The following UBE2L6 variants were observed in gnomAD, a reference collection of about 807,000 sequenced individuals.
The protein encoded by UBE2L6 is ubiquitin/ISG15-conjugating enzyme E2 L6.
A neutral mutation model predicts 13.6 loss-of-function variants in UBE2L6; 11 were observed. The observed-to-expected ratio is 0.81, with a 90% confidence interval of 0.51 to 1.34. The LOEUF (loss-of-function observed/expected upper bound fraction) is 1.34, where lower values mean the gene tolerates loss of function less well. UBE2L6 is among the 40% of genes most tolerant of loss of function. The pLI is 0.00. For missense variants in UBE2L6, 197 were observed against 199.5 expected (o/e 0.99, Z 0.07); for synonymous variants, 74 against 83.2 (o/e 0.89, Z 0.60).
At chr11:57,557,800 CA>C (rs1409302014) in intron 2 of UBE2L6, among the ~76,000 whole-genome samples, 1 of 152,166 alleles carries the variant, frequency 6.6e-6, no homozygotes, top group African/African-American at 2.4e-5. Context: ...TGGACTAAGA[CA>C]GGGGTATCAG....
chr11:57,563,149 T>G (rs111436048), intron 1 of UBE2L6, among the ~76,000 whole-genome samples: 1,695 of 152,094 alleles, frequency 0.011, 32 homozygotes, highest in African/African-American at 0.039. Context: ...ATTTAACAAA[T>G]AAATTGAAAT....
At chr11:57,560,847 C>T (rs1450482845) in intron 1 of UBE2L6, among the ~76,000 whole-genome samples, 2 of 151,878 alleles carry the variant, frequency 1.3e-5, no homozygotes, top group African/African-American at 4.8e-5. Context: ...GTCTTGATCT[C>T]CTGACCTCGT....
intron 1 of UBE2L6, 109 bp from the exon 2 acceptor site, chr11:57,560,541 G>A (rs1327014710): frequency 5.4e-6 from 4 of 742,082 alleles, no homozygotes; most frequent in Non-Finnish European, 9.5e-6. Flanking sequence ...CCATCTTAGG[G>A]GCAGAAGCCG....
At chr11:57,567,756 G>C (rs574758105), upstream of UBE2L6, 95 of 958,918 alleles carry the variant, frequency 9.9e-5, no homozygotes, top group African/African-American at 1.7e-3. Context: ...GGGCCTCCCC[G>C]CACCCGCTCC....
At chr11:57,557,851 G>T (rs995234669) in intron 2 of UBE2L6, among the ~76,000 whole-genome samples, 6 of 152,310 alleles carry the variant, frequency 3.9e-5, no homozygotes, top group Middle Eastern at 3.4e-3. Context: ...GGCTTCGTAG[G>T]ACTTAACAGA....
At position 57,554,634 on chromosome 11, in the gene UBE2L6, A is replaced by G; in HGVS notation, c.124-11T>C. On this transcript the variant is annotated splice_polypyrimidine_tract_variant and intron_variant, in intron 2 of 3. Transcript: ENST00000287156. ...GTAGGGAGGTTGGTCCTGTGCAGAG[A>G]GAAAAGGGGTCAAGCTCCAGTCTGG... is the stretch of plus-strand genomic sequence containing the variant. 6.2e-7 allele frequency: 1 copy of G among 1,613,842 alleles called. No homozygotes were observed. The highest frequency in any genetic ancestry group is 1.1e-5 in the South Asian group (1 of 91,030).
At chr11:57,557,798 G>C (rs2135276556) in intron 2 of UBE2L6, among the ~76,000 whole-genome samples, 1 of 152,300 alleles carries the variant, frequency 6.6e-6, no homozygotes, top group East Asian at 1.9e-4. Flanking sequence ...AATGGACTAA[G>C]ACAGGGGTAT....
intron 2 of UBE2L6, among the ~76,000 whole-genome samples, chr11:57,557,099 A>G (rs996628549): frequency 6.6e-6 from 1 of 151,696 alleles, no homozygotes; most frequent in Non-Finnish European, 1.5e-5. Context: ...AAAGAAAAGA[A>G]TTTGATCCCC....
intron 2 of UBE2L6, among the ~76,000 whole-genome samples, chr11:57,556,957 G>T (rs1945002650): frequency 6.6e-6 from 1 of 151,808 alleles, no homozygotes; most frequent in Non-Finnish European, 1.5e-5. Flanking sequence ...GTGGTAGCAT[G>T]TGCCTGTAGT....
intron 1 of UBE2L6, among the ~76,000 whole-genome samples, chr11:57,565,088 C>A (rs1945077207): frequency 6.6e-6 from 1 of 151,592 alleles, no homozygotes; most frequent in Admixed American, 6.6e-5. Flanking sequence ...ACTAAAAATA[C>A]AAAATTAGCC....
intron 1 of UBE2L6, among the ~76,000 whole-genome samples, chr11:57,562,585 G>T (rs530109918): frequency 6.6e-6 from 1 of 152,372 alleles, no homozygotes; most frequent in East Asian, 1.9e-4. Context: ...TGACCATGGG[G>T]ATGCTTGTGT....
intron 2 of UBE2L6, 85 bp downstream of exon 2, chr11:57,560,252 T>C: frequency 9.4e-7 from 1 of 1,059,050 alleles, no homozygotes; most frequent in Non-Finnish European, 1.5e-6. Context: ...GCAGGGAAAA[T>C]TCTTGCCTAG....
intron 3 of UBE2L6, among the ~76,000 whole-genome samples, chr11:57,554,064 TA>T (rs778254448): frequency 5.9e-5 from 9 of 152,104 alleles, no homozygotes; most frequent in Non-Finnish European, 1.3e-4. Flanking sequence ...TGACAGGTAT[TA>T]TCATTATGAG....
intron 1 of UBE2L6, 154 bp from the exon 2 acceptor site, chr11:57,560,586 T>C (rs945995114): frequency 2.3e-4 from 140 of 613,850 alleles, no homozygotes; most frequent in Non-Finnish European, 7.9e-5. Flanking sequence ...GAGCACTTAG[T>C]ATGTATCAGG....
chr11:57,566,961 C>CCCCCCCCCAACA, intron 1 of UBE2L6: 1 of 346,556 alleles, frequency 2.9e-6, no homozygotes, highest in Non-Finnish European at 5.8e-6. Context: ...CCCCCCCCCT[C>CCCCCCCCCAACA]CTAGAACAGG....
At chr11:57,560,619 TTTTC>T in intron 1 of UBE2L6, 187 bp from the exon 2 acceptor site, 1 of 510,290 alleles carries the variant, frequency 2.0e-6, no homozygotes, top group Non-Finnish European at 3.4e-6. Flanking sequence ...GCTTTTTCTT[TTTTC>T]TTTTTTTTTT....
At chr11:57,567,409 A>T in intron 1 of UBE2L6, 176 bp downstream of exon 1, 1 of 925,306 alleles carries the variant, frequency 1.1e-6, no homozygotes, top group Non-Finnish European at 1.7e-6. Flanking sequence ...AGCTCTGGCC[A>T]CTCTTGCAGG....
At chr11:57,562,785 C>T (rs1945057356) in intron 1 of UBE2L6, among the ~76,000 whole-genome samples, 1 of 152,158 alleles carries the variant, frequency 6.6e-6, no homozygotes, top group Admixed American at 6.6e-5. Context: ...CTTGGAGTGC[C>T]CCCTTATGTA....
chr11:57,560,569 A>C, intron 1 of UBE2L6, 137 bp from the exon 2 acceptor site: 1 of 644,940 alleles, frequency 1.6e-6, no homozygotes, highest in South Asian at 1.7e-5. Context: ...CAGAGCCTAC[A>C]TTTACTGAGC....
Sources: allele counts gnomAD v4.1 joint callset (sites outside exome capture counted in the v4.1 genomes callset), GRCh38; gene constraint gnomAD v4.1.1; transcripts MANE v1.5; gene names NCBI Gene and HGNC (gene_info 2026-07-23, HGNC 2026-07-21).